Variants in TMC2 observed in about 807,000 individuals in gnomAD.
TMC2 encodes the protein transmembrane channel-like protein 2.
Under a neutral mutation model 105.9 loss-of-function variants are expected in TMC2, and 102 were observed. The ratio of observed to expected loss-of-function variants is 0.96; its 90% CI spans 0.82 to 1.14. The LOEUF (loss-of-function observed/expected upper bound fraction) is 1.14. Ranked by LOEUF, TMC2 falls within the 50% of genes most tolerant of loss-of-function variation. The pLI is 0.00. For missense variants in TMC2, 1,093 were observed against 1,134.3 expected (o/e 0.96, Z 0.52); for synonymous variants, 402 against 422.8 (o/e 0.95, Z 0.60).
rs997473397 is a variant in TMC2 at position 2,540,887 on chromosome 20, C to A, written c.82+3571C>A. Among the ~76,000 whole-genome samples, 15 of 152,056 alleles carry A rather than the reference C, an allele frequency of 9.9e-5. 1 individual carries two copies. Among genetic ancestry groups the A allele is most frequent in the Non-Finnish European group, 1.9e-4 (13 of 68,010 alleles). On this transcript the variant is annotated intron_variant, in intron 2 of 19. Coordinates refer to ENST00000358864, the MANE Select transcript of TMC2 (RefSeq NM_080751.3). ...CAGCAAACATGCTCCATTATCACAC[C>A]CTTACCCTCCAGATTTCAACCCAGC...
intron 2 of TMC2, among the ~76,000 whole-genome samples, chr20:2,537,706 T>C (rs1341344299): frequency 6.6e-6 from 1 of 152,070 alleles, no homozygotes; most frequent in East Asian, 1.9e-4. Flanking sequence ...GTAGGCATAA[T>C]GGGTGCTCCA....
At chr20:2,611,886 G>GTGGATGGA (rs59459136) in intron 12 of TMC2, among the ~76,000 whole-genome samples, 2,253 of 87,102 alleles carry the variant, frequency 0.026, 87 homozygotes, top group African/African-American at 0.053. Context: ...GGGTGGGTGG[G>GTGGATGGA]TGGATGGATG....
At chr20:2,597,325 T>G (rs369499871) in intron 10 of TMC2, 27 bp downstream of exon 10, 2 of 1,607,708 alleles carry the variant, frequency 1.2e-6, no homozygotes, top group Non-Finnish European at 1.7e-6. Flanking sequence ...AGTTCCCACT[T>G]CCGGAGAACT....
chr20:2,629,015 T>C (rs2146263151), intron 17 of TMC2, among the ~76,000 whole-genome samples: 1 of 151,366 alleles, frequency 6.6e-6, no homozygotes, highest in South Asian at 2.1e-4. Context: ...GGCAGGAGAA[T>C]GGCGTGAACC....
At chr20:2,566,932 A>G (rs1252564423) in intron 4 of TMC2, among the ~76,000 whole-genome samples, 2 of 152,212 alleles carry the variant, frequency 1.3e-5, no homozygotes, top group African/African-American at 4.8e-5. Flanking sequence ...AAACTTTTGG[A>G]CAATAACTGT....
chr20:2,612,429 G>A, intron 13 of TMC2, 89 bp downstream of exon 13: 1 of 1,277,348 alleles, frequency 7.8e-7, no homozygotes, highest in African/African-American at 1.5e-5. Flanking sequence ...GAATAACCCT[G>A]AAAACTTACC....
chr20:2,543,897 A>G (rs1171990678), intron 2 of TMC2, among the ~76,000 whole-genome samples: 1 of 133,982 alleles, frequency 7.5e-6, no homozygotes, highest in Non-Finnish European at 1.6e-5. Context: ...TTCAACCTGC[A>G]TGTCAGTTTT....
At chr20:2,567,834 AC>A (rs1338432205) in intron 4 of TMC2, among the ~76,000 whole-genome samples, 1 of 152,256 alleles carries the variant, frequency 6.6e-6, no homozygotes, top group East Asian at 1.9e-4. Context: ...GTAAAAAAAT[AC>A]AATAACTGAA....
In TMC2 at chr20:2,616,564, T is replaced by C. The variant is rs1183928728; in HGVS notation, c.1940+360T>C. Among the ~76,000 whole-genome samples, 1 of 149,480 alleles carries C rather than the reference T, an allele frequency of 6.7e-6. No homozygotes were observed. The highest frequency in any genetic ancestry group is 6.6e-5 in the Admixed American group (1 of 15,078). ...GGAGGAAAAGAGGAGGAAAGGAAAA[T>C]AAAGAAGGAGGGAGGGAGAAAAGAA... is the stretch of plus-strand genomic sequence containing the variant. On this transcript the variant is annotated intron_variant, in intron 15 of 19. Coordinates refer to ENST00000358864, the MANE Select transcript of TMC2 (RefSeq NM_080751.3). The surrounding 1 kb of genome is among the most constrained non-coding windows in gnomAD (Gnocchi z 4.8).
chr20:2,603,319 AG>A (rs1362383791), intron 11 of TMC2, among the ~76,000 whole-genome samples: 1 of 152,224 alleles, frequency 6.6e-6, no homozygotes, highest in Admixed American at 6.5e-5. Flanking sequence ...ATTTAAAAAA[AG>A]AAGACAGCCT....
intron 9 of TMC2, among the ~76,000 whole-genome samples, chr20:2,596,212 T>C (rs2086305482): frequency 6.6e-6 from 1 of 152,136 alleles, no homozygotes; most frequent in African/African-American, 2.4e-5. Context: ...CTAGGGAGCA[T>C]AGGTTGAAGA....
chr20:2,577,064 C>A (rs942487115), intron 5 of TMC2, among the ~76,000 whole-genome samples: 2 of 151,972 alleles, frequency 1.3e-5, no homozygotes, highest in Non-Finnish European at 2.9e-5. Flanking sequence ...CCTGCCACCA[C>A]GCCCAGCTAA....
intron 5 of TMC2, among the ~76,000 whole-genome samples, chr20:2,573,812 G>A (rs893857145): frequency 2.0e-5 from 3 of 151,042 alleles, no homozygotes; most frequent in Non-Finnish European, 2.9e-5. Flanking sequence ...CGCCCGCCTC[G>A]GCCTCCCAAA....
rs144625339 is a variant in TMC2, at chr20:2,556,606, A to T, written c.83-1850A>T. Among the ~76,000 whole-genome samples, 461 of 150,816 alleles carry T rather than the reference A, an allele frequency of 3.1e-3. 3 individuals carry two copies. The highest frequency in any genetic ancestry group is 0.011 in the African/African-American group (430 of 40,582). On this transcript the variant is annotated intron_variant, in intron 2 of 19. Coordinates refer to ENST00000358864, the MANE Select transcript of TMC2 (RefSeq NM_080751.3). Reference sequence around the variant, plus strand: ...GGCAAGATAGTGATACTCCATCTTTAAAAAAAAATTGTTTTTTAATTAGCT... The same window carrying T: ...GGCAAGATAGTGATACTCCATCTTTTAAAAAAAATTGTTTTTTAATTAGCT...
At position 2,568,036 on chromosome 20, in the gene TMC2, A is replaced by G. The variant is rs113830116; in HGVS notation, c.555-4143A>G. On this transcript the variant is annotated intron_variant, in intron 4 of 19. Coordinates refer to ENST00000358864, the MANE Select transcript of TMC2 (RefSeq NM_080751.3). ...AAAGACATAACATTAGTATCGTTGG[A>G]ATTCCAGAAAAAGAGGAGAAAAAGG... Among the ~76,000 whole-genome samples the G allele has an allele frequency of 2.7e-3, 410 of 152,320 alleles. 3 individuals are homozygous for G. The highest frequency in any genetic ancestry group is 8.0e-3 in the African/African-American group (333 of 41,562).
At chr20:2,624,430 G>A (rs535566329) in intron 17 of TMC2, 34 bp downstream of exon 17, 44 of 1,592,208 alleles carry the variant, frequency 2.8e-5, no homozygotes, top group Admixed American at 1.4e-4. Flanking sequence ...TCCACCCCAC[G>A]GAAACTTCTC....
intron 17 of TMC2, among the ~76,000 whole-genome samples, chr20:2,625,704 T>A (rs1222779475): frequency 6.6e-6 from 1 of 152,196 alleles, no homozygotes; most frequent in Non-Finnish European, 1.5e-5. Context: ...CCAGCCAACA[T>A]TTTGTATATA....
chr20:2,537,426 C>T, intron 2 of TMC2, 110 bp downstream of exon 2: 2 of 908,226 alleles, frequency 2.2e-6, no homozygotes, highest in Non-Finnish European at 3.5e-6. Context: ...CCTTCCCTCT[C>T]ATTCAACACC....
chr20:2,549,545 C>A (rs13043632), intron 2 of TMC2, among the ~76,000 whole-genome samples: 22,280 of 152,038 alleles, frequency 0.15, 1,716 homozygotes, highest in South Asian at 0.17. Context: ...GAGTTTGAGA[C>A]CAGCCTGGCC....
Sources: allele counts gnomAD v4.1 joint callset (sites outside exome capture counted in the v4.1 genomes callset), GRCh38; gene constraint gnomAD v4.1.1; non-coding constraint Gnocchi (gnomAD v3.1); transcripts MANE v1.5; gene names NCBI Gene and HGNC (gene_info 2026-07-23, HGNC 2026-07-21).